DNM3: variants seen among roughly 807,000 people sequenced by gnomAD.
DNM3 encodes dynamin 3.
A neutral mutation model predicts 101.6 loss-of-function variants in DNM3; 47 were observed. That is an observed-to-expected ratio of 0.46 (90% CI 0.37 to 0.59). The LOEUF (loss-of-function observed/expected upper bound fraction) is 0.59. DNM3 is among the 20% of genes least tolerant of loss of function. DNM3 has a pLI of 0.00. For synonymous variants in DNM3, 385 were observed against 387.9 expected (o/e 0.99, Z 0.09); for missense variants, 849 against 1,085.7 (o/e 0.78, Z 3.06).
rs188269274 is a variant in DNM3, at chr1:172,328,048, T to A, written c.1893+4708T>A. Among the ~76,000 whole-genome samples, 304 of 152,304 alleles carry A rather than the reference T, an allele frequency of 2.0e-3. 4 individuals carry two copies. The highest frequency in any genetic ancestry group is 3.7e-4 in the Non-Finnish European group (25 of 68,028). On this transcript the variant is annotated intron_variant, in intron 17 of 20. Transcript: ENST00000627582. Reference sequence around the variant, plus strand: ...GGAATCTATATTATGTTCCCAAATTTATTGATCATGCTAAATAGACTCTAT... The same window carrying A: ...GGAATCTATATTATGTTCCCAAATTAATTGATCATGCTAAATAGACTCTAT...
At chr1:172,265,344 T>C (rs2062818428) in intron 15 of DNM3, among the ~76,000 whole-genome samples, 1 of 152,058 alleles carries the variant, frequency 6.6e-6, no homozygotes, top group Non-Finnish European at 1.5e-5. Context: ...AGTGTTTCAG[T>C]GCTAAGATTT....
chr1:172,244,732 T>C (rs1041110998), intron 14 of DNM3, among the ~76,000 whole-genome samples: 3 of 151,958 alleles, frequency 2.0e-5, no homozygotes, highest in Non-Finnish European at 4.4e-5. Flanking sequence ...TGTGGAGAAA[T>C]AGGAACACTT....
rs913869136 is a variant in DNM3, at chr1:172,409,021, TA to T, written c.*1183del. 7.1e-6 allele frequency: 7 copies of T among 985,256 alleles called. No individual in the cohort carries two copies. In the Admixed American group the frequency reaches 4.3e-4, roughly 61 times the overall value. The allele number at this position is 985,256 out of a possible 1,614,324, so 61.0% of individuals were successfully genotyped here. On this transcript the variant is annotated 3_prime_UTR_variant, in exon 21 of 21. Coordinates refer to ENST00000627582, the MANE Select transcript of DNM3 (RefSeq NM_015569.5). ...AAAAGGGTATTGAAACGTTGAAATCTAAAGCAAATTTGCAATTTCTTAAGAT... is the reference window on the plus strand; with the variant it reads ...AAAAGGGTATTGAAACGTTGAAATCTAAGCAAATTTGCAATTTCTTAAGAT...
chr1:172,082,209 A>G (rs1386071793), intron 12 of DNM3, among the ~76,000 whole-genome samples: 1 of 152,184 alleles, frequency 6.6e-6, no homozygotes, highest in African/African-American at 2.4e-5. Flanking sequence ...AAAAACAGTA[A>G]TTAATGCATG....
intron 14 of DNM3, among the ~76,000 whole-genome samples, chr1:172,144,187 T>TA (rs34952786): frequency 0.056 from 7,876 of 141,838 alleles, 229 homozygotes; most frequent in Middle Eastern, 0.14. Flanking sequence ...TCTTCAGAAA[T>TA]AAAAAAAAAA....
intron 14 of DNM3, among the ~76,000 whole-genome samples, chr1:172,198,371 G>C (rs2060029545): frequency 6.6e-6 from 1 of 152,044 alleles, no homozygotes; most frequent in African/African-American, 2.4e-5. Flanking sequence ...TTGACCTGAA[G>C]TTTTCTTTTT....
chr1:172,199,052 T>A (rs371393324), intron 14 of DNM3, among the ~76,000 whole-genome samples: 31 of 152,260 alleles, frequency 2.0e-4, no homozygotes, highest in African/African-American at 7.2e-4. Flanking sequence ...TTAAGTGCTA[T>A]GAATTTCCCT....
intron 15 of DNM3, among the ~76,000 whole-genome samples, chr1:172,307,200 C>T (rs2064863555): frequency 1.3e-5 from 2 of 152,088 alleles, no homozygotes; most frequent in South Asian, 4.1e-4. Flanking sequence ...AAACAAACAA[C>T]CCCATCAAAA....
intron 14 of DNM3, among the ~76,000 whole-genome samples, chr1:172,238,355 G>A (rs1466085467): frequency 6.6e-6 from 1 of 152,070 alleles, no homozygotes; most frequent in Non-Finnish European, 1.5e-5. Flanking sequence ...GATGACTTAA[G>A]GGCAACCTAA....
chr1:172,143,428 A>C (rs2057699039), intron 14 of DNM3, among the ~76,000 whole-genome samples: 1 of 152,128 alleles, frequency 6.6e-6, no homozygotes, highest in African/African-American at 2.4e-5. Context: ...AAAGTTCAGC[A>C]CAGATCACAT....
At chr1:172,099,466 A>G (rs55782297) in intron 13 of DNM3, among the ~76,000 whole-genome samples, 39 of 152,270 alleles carry the variant, frequency 2.6e-4, no homozygotes, top group Non-Finnish European at 4.0e-4. Flanking sequence ...GAACCAGTCC[A>G]TAAGTGGCAC....
intron 15 of DNM3, among the ~76,000 whole-genome samples, chr1:172,269,770 T>C (rs573522470): frequency 2.0e-5 from 3 of 152,178 alleles, no homozygotes; most frequent in Non-Finnish European, 4.4e-5. Context: ...GTGGTGATTT[T>C]GTGAATTTGT....
intron 1 of DNM3, among the ~76,000 whole-genome samples, chr1:171,858,721 T>C (rs970955361): frequency 2.0e-5 from 3 of 152,120 alleles, no homozygotes; most frequent in Non-Finnish European, 4.4e-5. Context: ...AATCACCACT[T>C]CCACAATTCC....
At chr1:172,246,183 G>T (rs1338478891) in intron 14 of DNM3, among the ~76,000 whole-genome samples, 1 of 152,074 alleles carries the variant, frequency 6.6e-6, no homozygotes, top group African/African-American at 2.4e-5. Context: ...CTCCAACATT[G>T]GGAATTACAA....
intron 14 of DNM3, among the ~76,000 whole-genome samples, chr1:172,252,277 G>T (rs2062202673): frequency 6.6e-6 from 1 of 152,030 alleles, no homozygotes; most frequent in East Asian, 1.9e-4. Context: ...CTATTCTAAT[G>T]TGCTCTGCCC....
intron 1 of DNM3, among the ~76,000 whole-genome samples, chr1:171,921,144 TG>T (rs1212420211): frequency 3.3e-5 from 5 of 151,922 alleles, no homozygotes; most frequent in Middle Eastern, 3.4e-3. Flanking sequence ...GCTGGGTTTT[TG>T]CTATGTTGTC....
At chr1:172,159,981 A>G (rs908766844) in intron 14 of DNM3, among the ~76,000 whole-genome samples, 4 of 151,856 alleles carry the variant, frequency 2.6e-5, no homozygotes, top group Non-Finnish European at 1.5e-5. Flanking sequence ...TGAATACTGT[A>G]GGCAGTTGTA....
chr1:172,229,283 A>G (rs1242813036), intron 14 of DNM3, among the ~76,000 whole-genome samples: 1 of 152,176 alleles, frequency 6.6e-6, no homozygotes. Context: ...AACTAGAAAC[A>G]TTTCTCTACT....
At chr1:172,387,601 G>T (rs1425957269) in intron 19 of DNM3, among the ~76,000 whole-genome samples, 1 of 151,694 alleles carries the variant, frequency 6.6e-6, no homozygotes, top group Non-Finnish European at 1.5e-5. Flanking sequence ...AGAGCTTGCA[G>T]TGAGCCGAGA....
Sources: gnomAD v4.1 joint callset for allele counts (sites outside exome capture counted in the v4.1 genomes callset) on GRCh38, gnomAD v4.1.1 for gene constraint, MANE v1.5 for transcripts, NCBI Gene and HGNC (gene_info 2026-07-23, HGNC 2026-07-21) for gene names.